PARD3: variants seen among roughly 807,000 people sequenced by gnomAD.
The protein encoded by PARD3 is partitioning defective 3 homolog.
Under a neutral mutation model 155.4 loss-of-function variants are expected in PARD3, and 75 were observed. The observed-to-expected ratio is 0.48, with a 90% CI of 0.40 to 0.58. The LOEUF (loss-of-function observed/expected upper bound fraction) is 0.58, where lower values mean the gene tolerates loss of function less well. PARD3 is among the 20% of genes least tolerant of loss of function. The pLI is 0.00. For missense variants in PARD3, 1,642 were observed against 1,721.7 expected (o/e 0.95, Z 0.82); for synonymous variants, 576 against 610.5 (o/e 0.94, Z 0.83).
intron 20 of PARD3, among the ~76,000 whole-genome samples, chr10:34,305,954 G>T (rs1957386738): frequency 1.3e-5 from 2 of 152,138 alleles, no homozygotes; most frequent in Non-Finnish European, 2.9e-5. Context: ...TCCAGCCTGG[G>T]TGACAGAGCA....
At chr10:34,128,380 CTCT>C (rs1947402437) in intron 23 of PARD3, among the ~76,000 whole-genome samples, 1 of 152,128 alleles carries the variant, frequency 6.6e-6, no homozygotes, top group Non-Finnish European at 1.5e-5. Flanking sequence ...AATGTATGTT[CTCT>C]TCTTTATGAT....
chr10:34,801,185 T>C (rs1405766462), intron 1 of PARD3, among the ~76,000 whole-genome samples: 2 of 152,216 alleles, frequency 1.3e-5, no homozygotes. Context: ...TCTCCCGTGC[T>C]GCTAGGTCTT....
At chr10:34,267,251 G>A (rs1955365973) in intron 22 of PARD3, among the ~76,000 whole-genome samples, 1 of 152,088 alleles carries the variant, frequency 6.6e-6, no homozygotes, top group Non-Finnish European at 1.5e-5. Flanking sequence ...TCTATAAGCA[G>A]CATTCACAAG....
rs545561944 is a variant in PARD3, at chr10:34,311,235, T to C, written c.3065+5872A>G. Reference sequence around the variant, plus strand: ...CCAATCCACAATACCCTTTATCAGATGGTTTTCAAGACTTCAGTTATTTAT... The same window carrying C: ...CCAATCCACAATACCCTTTATCAGACGGTTTTCAAGACTTCAGTTATTTAT... On this transcript the variant is annotated intron_variant, in intron 20 of 24. Transcript: ENST00000374788. Among the ~76,000 whole-genome samples the C allele has an allele frequency of 7.9e-5, 12 of 152,274 alleles. 1 individual carries two copies. In the South Asian group the frequency reaches 2.5e-3, roughly 32 times the overall value.
At chr10:34,414,144 G>A (rs760729497) in intron 5 of PARD3, among the ~76,000 whole-genome samples, 8 of 151,746 alleles carry the variant, frequency 5.3e-5, no homozygotes, top group Admixed American at 1.3e-4. Flanking sequence ...ACTGCAGTGA[G>A]CTATATTCAT....
At chr10:34,327,265 T>C (rs1446877983) in intron 19 of PARD3, among the ~76,000 whole-genome samples, 1 of 151,998 alleles carries the variant, frequency 6.6e-6, no homozygotes, top group African/African-American at 2.4e-5. Context: ...AATACAAAGC[T>C]CCATCTTGAT....
intron 19 of PARD3, among the ~76,000 whole-genome samples, chr10:34,327,831 TC>T (rs1835195178): frequency 6.6e-6 from 1 of 151,948 alleles, no homozygotes; most frequent in African/African-American, 2.4e-5. Flanking sequence ...AGTTGGACCA[TC>T]GGGACAAGAA....
In PARD3 at chr10:34,707,441, A is replaced by T. The variant is rs151306693; in HGVS notation, c.121-11022T>A. On this transcript the variant is annotated intron_variant, in intron 1 of 24. Transcript: ENST00000374788. Reference sequence around the variant, plus strand: ...TCCCAAGCGGGATACACCACCAAAAAAAAAGTCTCTGGAGGAAGGACCAAC... The same window carrying T: ...TCCCAAGCGGGATACACCACCAAAATAAAAGTCTCTGGAGGAAGGACCAAC... Among the ~76,000 whole-genome samples the T allele has an allele frequency of 1.5e-3, 221 of 152,256 alleles. 1 individual carries two copies. Among genetic ancestry groups the T allele is most frequent in the African/African-American group, 5.2e-3 (218 of 41,554 alleles).
At chr10:34,431,935 G>C (rs1473310279) in intron 5 of PARD3, among the ~76,000 whole-genome samples, 1 of 148,316 alleles carries the variant, frequency 6.7e-6, no homozygotes, top group Admixed American at 6.8e-5. Flanking sequence ...CCAGCTACTC[G>C]GGAGGCTGAG....
At chr10:34,666,790 A>T (rs1175931535) in intron 2 of PARD3, among the ~76,000 whole-genome samples, 7 of 91,452 alleles carry the variant, frequency 7.7e-5, no homozygotes, top group Admixed American at 7.4e-4. Context: ...AAAAAAAAAA[A>T]AAAAAAATAT....
In PARD3 at chr10:34,323,630, T is replaced by G. The variant is rs184801445; in HGVS notation, c.2834-6292A>C. Among the ~76,000 whole-genome samples the G allele has an allele frequency of 7.5e-4, 115 of 152,352 alleles. No individual in the cohort carries two copies. In the East Asian group the frequency reaches 0.015, roughly 20 times the overall value. On this transcript the variant is annotated intron_variant, in intron 19 of 24. Coordinates refer to ENST00000374788, the MANE Select transcript of PARD3 (RefSeq NM_001184785.2). ...GAAGAAAAACAATAGGATCACTCTT[T>G]TAAAGAGTTATTACCAAAAACCTTT...
intron 4 of PARD3, among the ~76,000 whole-genome samples, chr10:34,459,616 AATACTT>A (rs2077520619): frequency 6.6e-6 from 1 of 152,326 alleles, no homozygotes; most frequent in Admixed American, 6.5e-5. Context: ...GAGATAGTAA[AATACTT>A]ATAGTGGTTG....
intron 2 of PARD3, among the ~76,000 whole-genome samples, chr10:34,647,499 T>C (rs895108677): frequency 2.6e-5 from 4 of 152,184 alleles, no homozygotes; most frequent in Admixed American, 6.5e-5. Context: ...ACGAAAACGT[T>C]AAGGACTTTT....
intron 22 of PARD3, among the ~76,000 whole-genome samples, chr10:34,229,603 T>C (rs542690643): frequency 6.6e-6 from 1 of 152,060 alleles, no homozygotes; most frequent in African/African-American, 2.4e-5. Flanking sequence ...GCCTCTTTAA[T>C]ACTATCATTT....
chr10:34,660,047 A>G (rs1203979184), intron 2 of PARD3, among the ~76,000 whole-genome samples: 1 of 152,258 alleles, frequency 6.6e-6, no homozygotes, highest in Admixed American at 6.5e-5. Context: ...GGCAGAAAAC[A>G]TATTAATTTA....
At chr10:34,355,924 C>CAAAAAAAAAAAAAAAAAAAAA (rs869284165) in intron 14 of PARD3, among the ~76,000 whole-genome samples, 10 of 42,744 alleles carry the variant, frequency 2.3e-4, no homozygotes, top group Non-Finnish European at 3.9e-4. Flanking sequence ...CACTCCGTCT[C>CAAAAAAAAAAAAAAAAAAAAA]AAAAAAAAAA....
chr10:34,335,225 C>T (rs567667659), intron 18 of PARD3, among the ~76,000 whole-genome samples: 328 of 151,964 alleles, frequency 2.2e-3, no homozygotes, highest in Non-Finnish European at 3.8e-3. Context: ...TATTAGATGT[C>T]GTTTTTACAA....
intron 24 of PARD3, among the ~76,000 whole-genome samples, chr10:34,115,199 C>T (rs1946600929): frequency 6.6e-6 from 1 of 151,942 alleles, no homozygotes; most frequent in African/African-American, 2.4e-5. Flanking sequence ...GTGGAGAGAA[C>T]GCGGGAGGGT....
At chr10:34,493,710 C>T (rs538505262) in intron 3 of PARD3, among the ~76,000 whole-genome samples, 6 of 148,062 alleles carry the variant, frequency 4.1e-5, no homozygotes, top group East Asian at 2.0e-4. Context: ...CTAACCTGGG[C>T]GACAAAAGCG....
Sources: allele counts gnomAD v4.1 joint callset (sites outside exome capture counted in the v4.1 genomes callset), GRCh38; gene constraint gnomAD v4.1.1; transcripts MANE v1.5; gene names NCBI Gene and HGNC (gene_info 2026-07-23, HGNC 2026-07-21).